GIGYF2: variants seen among roughly 807,000 people sequenced by gnomAD.
GIGYF2 encodes GRB10 interacting GYF protein 2.
In GIGYF2, 25 loss-of-function variants were observed where a neutral mutation model predicts 208.1. That is an observed-to-expected ratio of 0.12 (90% CI 0.09 to 0.17). The LOEUF (loss-of-function observed/expected upper bound fraction) is 0.17, where lower values mean the gene tolerates loss of function less well. Among genes scored for constraint, GIGYF2 ranks in the 10% least tolerant of loss-of-function variants. GIGYF2 has a pLI of 1.00. For synonymous variants in GIGYF2, 534 were observed against 543.8 expected (o/e 0.98, Z 0.25); for missense variants, 1,302 against 1,579.4 (o/e 0.82, Z 2.98).
chr2:232,840,520 C>T (rs564023687), intron 23 of GIGYF2, among the ~76,000 whole-genome samples: 88 of 112,816 alleles, frequency 7.8e-4, no homozygotes, highest in Non-Finnish European at 1.4e-3. Context: ...GTATGCCATT[C>T]GGTGCTCATT....
At chr2:232,826,773 C>T (rs968847182) in intron 21 of GIGYF2, among the ~76,000 whole-genome samples, 1 of 152,272 alleles carries the variant, frequency 6.6e-6, no homozygotes, top group South Asian at 2.1e-4. Context: ...AAAATGCTAT[C>T]AAACAGCATC....
intron 5 of GIGYF2, among the ~76,000 whole-genome samples, chr2:232,752,761 C>T (rs562268285): frequency 2.0e-5 from 3 of 152,196 alleles, no homozygotes; most frequent in East Asian, 3.9e-4. Context: ...AGGATGGTCT[C>T]GATCTCCTGA....
Position 232,754,159 on chromosome 2 carries a change from C to T in GIGYF2, c.268-2064C>T, listed in dbSNP as rs377411298. Among the ~76,000 whole-genome samples the T allele has an allele frequency of 8.0e-4, 118 of 148,330 alleles. 1 individual carries two copies. The highest frequency in any genetic ancestry group is 2.7e-3 in the African/African-American group (107 of 40,188). ...CAGCCTGGATGACAGAGCAAGACCC[C>T]GTCTCAAAAAAAAGAAAAAAAAAAA... On this transcript the variant is annotated intron_variant, in intron 5 of 28. Coordinates refer to ENST00000373563, the MANE Select transcript of GIGYF2 (RefSeq NM_001103146.3).
At position 232,806,219 on chromosome 2, in the gene GIGYF2, A is replaced by G. The variant is rs567218735; in HGVS notation, c.1640-272A>G. Among the ~76,000 whole-genome samples, 1 of 152,366 alleles carries G rather than the reference A, an allele frequency of 6.6e-6. No individual in the cohort carries two copies. Among genetic ancestry groups the G allele is most frequent in the East Asian group, 1.9e-4 (1 of 5,194 alleles). On this transcript the variant is annotated intron_variant, in intron 14 of 28. Transcript: ENST00000373563. The surrounding 1 kb of genome is among the most constrained non-coding windows in gnomAD (Gnocchi z 4.0). ...CAATTGTATCATACTTTACTGACAC[A>G]TGAATTGTTGTAGAGATTGAGATAG... is the stretch of plus-strand genomic sequence containing the variant.
intron 28 of GIGYF2, among the ~76,000 whole-genome samples, chr2:232,850,831 A>G (rs984085430): frequency 6.6e-6 from 1 of 152,228 alleles, no homozygotes; most frequent in African/African-American, 2.4e-5. Context: ...TATGTTCATA[A>G]TCACTCTATG....
intron 5 of GIGYF2, among the ~76,000 whole-genome samples, chr2:232,755,075 A>G (rs965279293): frequency 3.3e-5 from 5 of 152,238 alleles, no homozygotes; most frequent in Non-Finnish European, 5.9e-5. Context: ...TATAGACATC[A>G]TATTTCAGTG....
intron 2 of GIGYF2, among the ~76,000 whole-genome samples, chr2:232,706,234 T>G (rs1696104517): frequency 1.3e-5 from 2 of 152,230 alleles, no homozygotes; most frequent in East Asian, 3.8e-4. Flanking sequence ...GCTGAATTCA[T>G]TTTTAAGGTA....
At chr2:232,712,423 G>A (rs887177416) in intron 2 of GIGYF2, among the ~76,000 whole-genome samples, 3 of 152,154 alleles carry the variant, frequency 2.0e-5, no homozygotes, top group South Asian at 2.1e-4. Context: ...TTATTCCCTC[G>A]TCATGGGCAT....
At chr2:232,853,621 A>G (rs563663458) in intron 28 of GIGYF2, among the ~76,000 whole-genome samples, 6 of 152,208 alleles carry the variant, frequency 3.9e-5, no homozygotes, top group South Asian at 2.1e-4. Context: ...TGAATCAGCA[A>G]CCTGCACTCA....
intron 8 of GIGYF2, among the ~76,000 whole-genome samples, chr2:232,770,187 A>G (rs1699175371): frequency 6.6e-6 from 1 of 152,204 alleles, no homozygotes. Flanking sequence ...CATTCTTCAT[A>G]CGGCCCAATG....
chr2:232,820,836 T>TC (rs961571834), intron 21 of GIGYF2, among the ~76,000 whole-genome samples: 3 of 152,044 alleles, frequency 2.0e-5, no homozygotes, highest in African/African-American at 7.2e-5. Context: ...CTTCTTCTTT[T>TC]CTTTTTTTTG....
intron 8 of GIGYF2, chr2:232,768,028 A>T (rs988533492): frequency 2.3e-5 from 15 of 665,798 alleles, no homozygotes; most frequent in Non-Finnish European, 3.9e-5. Flanking sequence ...TGTTTCCAGA[A>T]TGTGTATTGT....
chr2:232,757,266 A>AGT (rs544409170), intron 6 of GIGYF2, among the ~76,000 whole-genome samples: 100 of 152,288 alleles, frequency 6.6e-4, no homozygotes, highest in African/African-American at 2.4e-3. Flanking sequence ...CCAGGTGTGA[A>AGT]GTGTCTGATT....
chr2:232,727,992 A>G (rs1173892099), intron 2 of GIGYF2, among the ~76,000 whole-genome samples: 2 of 152,226 alleles, frequency 1.3e-5, no homozygotes, highest in Non-Finnish European at 2.9e-5. Flanking sequence ...TATAGATTCC[A>G]TTCCATTTCT....
chr2:232,831,095 A>G (rs919104422), intron 21 of GIGYF2, among the ~76,000 whole-genome samples: 2 of 152,210 alleles, frequency 1.3e-5, no homozygotes, highest in African/African-American at 4.8e-5. Context: ...CAAGGGGTAC[A>G]CGTATTGCCA....
intron 4 of GIGYF2, 48 bp from the exon 5 acceptor site, chr2:232,748,939 T>C (rs1479362965): frequency 1.2e-6 from 1 of 845,900 alleles, no homozygotes; most frequent in African/African-American, 1.7e-5. Flanking sequence ...TATTTCTTCT[T>C]ATTGCAGAAA....
Position 232,768,056 on chromosome 2 carries a change from T to C in GIGYF2, c.532+6620T>C, listed in dbSNP as rs8192539. The C allele has an allele frequency of 0.17, 140,546 of 810,366 alleles. 13,634 individuals are homozygous for C. The highest frequency in any genetic ancestry group is 0.32 in the South Asian group (20,017 of 61,964). The allele number at this position is 810,366 out of a possible 1,614,324, so 50.2% of individuals were successfully genotyped here. On this transcript the variant is annotated intron_variant, in intron 8 of 28. Coordinates refer to ENST00000373563, the MANE Select transcript of GIGYF2 (RefSeq NM_001103146.3). ...TGTATTGTTAGCTCAGCCATTCTTA[T>C]GTAGGCATAGGCATGATTACCGTGA...
chr2:232,727,803 T>A (rs186891833), intron 2 of GIGYF2, among the ~76,000 whole-genome samples: 1 of 152,338 alleles, frequency 6.6e-6, no homozygotes, highest in Admixed American at 6.5e-5. Flanking sequence ...TAAATCTGTC[T>A]TTCTATTCTG....
chr2:232,718,061 A>G (rs1020164412), intron 2 of GIGYF2, among the ~76,000 whole-genome samples: 13 of 151,998 alleles, frequency 8.6e-5, no homozygotes, highest in Non-Finnish European at 2.9e-5. Flanking sequence ...TCGCAGTATC[A>G]TTGTGAATAT....
Sources: allele counts gnomAD v4.1 joint callset (sites outside exome capture counted in the v4.1 genomes callset), GRCh38; gene constraint gnomAD v4.1.1; non-coding constraint Gnocchi (gnomAD v3.1); transcripts MANE v1.5; gene names NCBI Gene and HGNC (gene_info 2026-07-23, HGNC 2026-07-21).